The following DACH1 variants were observed in gnomAD, a reference collection of about 807,000 sequenced individuals.
The protein encoded by DACH1 is dachshund family transcription factor 1.
DACH1 carries 12 observed loss-of-function variants against 54.2 expected under a neutral mutation model. That is an observed-to-expected ratio of 0.22 (90% CI 0.14 to 0.36). The LOEUF (loss-of-function observed/expected upper bound fraction) is 0.36. Ranked by LOEUF, DACH1 falls within the 10% of genes least tolerant of loss-of-function variation. DACH1 has a pLI of 1.00. For synonymous variants in DACH1, 386 were observed against 366.2 expected (o/e 1.05, Z -0.62); for missense variants, 805 against 929.8 (o/e 0.87, Z 1.75).
At chr13:71,847,543 G>A (rs764055840) in intron 1 of DACH1, among the ~76,000 whole-genome samples, 15 of 152,128 alleles carry the variant, frequency 9.9e-5, no homozygotes, top group South Asian at 6.2e-4. Context: ...AAAAATCGCC[G>A]TATCATCTTC....
Position 71,504,763 on chromosome 13 carries a change from T to C in DACH1, c.1571-15615A>G, listed in dbSNP as rs555589172. Among the ~76,000 whole-genome samples, 17 of 152,298 alleles carry C rather than the reference T, an allele frequency of 1.1e-4. No homozygotes were observed. The South Asian group carries it at 3.3e-3, about 30-fold the overall frequency. ...CCAGTGACTTTTTATTTCGATGGCA[T>C]GTTCAATGTATATCAAGCTACCATT... is the stretch of plus-strand genomic sequence containing the variant. On this transcript the variant is annotated intron_variant, in intron 6 of 10. Coordinates refer to ENST00000613252, the MANE Select transcript of DACH1 (RefSeq NM_080759.6).
intron 3 of DACH1, among the ~76,000 whole-genome samples, chr13:71,623,542 T>A (rs1003084340): frequency 6.6e-6 from 1 of 151,758 alleles, no homozygotes; most frequent in African/African-American, 2.4e-5. Flanking sequence ...TTGCATAATA[T>A]GTAAATAGAT....
At chr13:71,454,620 T>C (rs1202476213) in intron 10 of DACH1, among the ~76,000 whole-genome samples, 1 of 152,190 alleles carries the variant, frequency 6.6e-6, no homozygotes, top group African/African-American at 2.4e-5. Context: ...AAGGAACTGA[T>C]GGTGGCCTCT....
intron 1 of DACH1, among the ~76,000 whole-genome samples, chr13:71,809,242 T>C (rs1185110826): frequency 6.6e-6 from 1 of 152,086 alleles, no homozygotes; most frequent in Non-Finnish European, 1.5e-5. Flanking sequence ...TGGAGTGCAG[T>C]GGCATGATCA....
chr13:71,698,917 C>T (rs1050087121), intron 1 of DACH1, among the ~76,000 whole-genome samples: 1 of 151,866 alleles, frequency 6.6e-6, no homozygotes, highest in South Asian at 2.1e-4. Context: ...AGATTTAGTG[C>T]CATTAAAAAA....
intron 2 of DACH1, among the ~76,000 whole-genome samples, 183 bp from the exon 3 acceptor site, chr13:71,630,900 T>G (rs1877052583): frequency 6.6e-6 from 1 of 152,156 alleles, no homozygotes; most frequent in African/African-American, 2.4e-5. Context: ...AGGGGGAGAT[T>G]GATTGCTACA....
intron 1 of DACH1, among the ~76,000 whole-genome samples, chr13:71,813,069 A>G (rs547298325): frequency 9.7e-4 from 147 of 152,298 alleles, no homozygotes; most frequent in African/African-American, 3.2e-3. Context: ...AGCATCTTAA[A>G]CATATTAACA....
chr13:71,776,801 C>CA (rs1289004155), intron 1 of DACH1, among the ~76,000 whole-genome samples: 2 of 152,130 alleles, frequency 1.3e-5, no homozygotes, highest in Non-Finnish European at 2.9e-5. Flanking sequence ...CCTGCTGTTG[C>CA]TTTTACTTTG....
chr13:71,726,410 G>GT (rs1385250574), intron 1 of DACH1, among the ~76,000 whole-genome samples: 1 of 152,062 alleles, frequency 6.6e-6, no homozygotes, highest in Non-Finnish European at 1.5e-5. Flanking sequence ...CGCTTTAAAT[G>GT]TAAGAAATAA....
At chr13:71,587,440 C>A (rs962750664) in intron 3 of DACH1, among the ~76,000 whole-genome samples, 6 of 151,972 alleles carry the variant, frequency 3.9e-5, no homozygotes, top group South Asian at 2.1e-4. Flanking sequence ...AACTAAAATT[C>A]ATGATATAGT....
At chr13:71,617,726 A>T (rs1452942685) in intron 3 of DACH1, among the ~76,000 whole-genome samples, 2 of 152,188 alleles carry the variant, frequency 1.3e-5, no homozygotes, top group Non-Finnish European at 2.9e-5. Context: ...GAAAGTACAG[A>T]TATAAATAAA....
At chr13:71,808,728 A>T (rs776087971) in intron 1 of DACH1, among the ~76,000 whole-genome samples, 1 of 152,204 alleles carries the variant, frequency 6.6e-6, no homozygotes, top group Non-Finnish European at 1.5e-5. Context: ...TAGTTATTCA[A>T]GGTAAAACTT....
chr13:71,781,761 T>G lies in DACH1; in HGVS notation c.848+84161A>C, dbSNP rs556102737. ...TTTCATGGTAAATTTGATGCATAAT[T>G]CATGTGGTTCAAAGATCACTCTGGA... On this transcript the variant is annotated intron_variant, in intron 1 of 10. Transcript: ENST00000613252. Among the ~76,000 whole-genome samples, 12 of 152,268 alleles carry G rather than the reference T, an allele frequency of 7.9e-5. No homozygotes were observed. In the South Asian group the frequency reaches 8.3e-4, roughly 11 times the overall value.
intron 1 of DACH1, among the ~76,000 whole-genome samples, chr13:71,777,642 A>G (rs1344958254): frequency 6.6e-6 from 1 of 152,034 alleles, no homozygotes; most frequent in Non-Finnish European, 1.5e-5. Flanking sequence ...CAAACGCCAA[A>G]CTTGTAGATT....
At chr13:71,836,549 C>T (rs1888791810) in intron 1 of DACH1, among the ~76,000 whole-genome samples, 1 of 152,056 alleles carries the variant, frequency 6.6e-6, no homozygotes, top group Non-Finnish European at 1.5e-5. Context: ...TATTTTCCTA[C>T]TTGTAGATAA....
chr13:71,704,196 G>T, intron 1 of DACH1: 1 of 231,414 alleles, frequency 4.3e-6, no homozygotes, highest in Non-Finnish European at 8.6e-6. Flanking sequence ...AAAAACAAAG[G>T]GAAAGAAGAG....
chr13:71,442,026 T>A (rs1406556494), intron 10 of DACH1, among the ~76,000 whole-genome samples: 1 of 152,112 alleles, frequency 6.6e-6, no homozygotes, highest in Non-Finnish European at 1.5e-5. Flanking sequence ...CCTCAAACAC[T>A]TATCCTCTGT....
intron 2 of DACH1, among the ~76,000 whole-genome samples, chr13:71,645,319 A>G (rs935896252): frequency 1.3e-5 from 2 of 152,224 alleles, no homozygotes; most frequent in Non-Finnish European, 2.9e-5. Flanking sequence ...TACTTTCTAG[A>G]ACGAAACACT....
rs1317650045 is a variant in DACH1, at chr13:71,557,061, G to T, written c.1533C>A (p.Asp511Glu). 1 of 1,610,748 alleles carries T rather than the reference G, an allele frequency of 6.2e-7. No homozygotes were observed. Among genetic ancestry groups the T allele is most frequent in the Admixed American group, 1.7e-5 (1 of 59,546 alleles). The change falls in exon 6 of 11, where the codon GAC becomes GAA. Residue 511 changes from aspartate to glutamate, a missense_variant. Asp to Glu is a conservative substitution (Grantham distance 45). Around this residue, in one of 3 missense-constraint regions of DACH1, gnomAD observed 472 missense variants for 545.3 expected, o/e 0.87. Transcript: ENST00000613252. ...GPKEGDLAGH[D>E]MGHESKRMHI... Reference sequence around the variant, plus strand: ...GCATCCTTTTTGACTCATGTCCCATGTCATGACCGGCCAAATCTCCCTCTT... The same window carrying T: ...GCATCCTTTTTGACTCATGTCCCATTTCATGACCGGCCAAATCTCCCTCTT...
Sources: gnomAD v4.1 joint callset for allele counts (sites outside exome capture counted in the v4.1 genomes callset) on GRCh38, gnomAD v4.1.1 for gene constraint, gnomAD v4.1.1 regional missense constraint, MANE v1.5 for transcripts, NCBI Gene and HGNC (gene_info 2026-07-23, HGNC 2026-07-21) for gene names.